The following TNFAIP8 variants were observed in gnomAD, a reference collection of about 807,000 sequenced individuals.
TNFAIP8 encodes the protein TNF alpha induced protein 8, also known as tumor necrosis factor alpha-induced protein 8.
TNFAIP8 carries 7 observed loss-of-function variants against 13.3 expected under a neutral mutation model. The ratio of observed to expected loss-of-function variants is 0.52; its 90% CI spans 0.30 to 0.99. The LOEUF (loss-of-function observed/expected upper bound fraction) is 0.99. Among genes scored for constraint, TNFAIP8 ranks in the 50% least tolerant of loss-of-function variants. The pLI is 0.07. For missense variants in TNFAIP8, 258 were observed against 236.9 expected, an observed-to-expected ratio of 1.09 and a Z score of -0.58; for synonymous variants, 94 against 87.6, an observed-to-expected ratio of 1.07 and a Z score of -0.41.
At chr5:119,275,722 A>C (rs1254359477) in intron 1 of TNFAIP8, among the ~76,000 whole-genome samples, 1 of 152,104 alleles carries the variant, frequency 6.6e-6, no homozygotes, top group Non-Finnish European at 1.5e-5. Context: ...AATTTTAGTC[A>C]GTTTTTAATT....
At position 119,395,657 on chromosome 5, in the gene TNFAIP8, A is replaced by G. The variant is rs1367696404; in HGVS notation, c.*2276A>G. On this transcript the variant is annotated 3_prime_UTR_variant, in exon 2 of 2. Transcript: ENST00000504771. ...TCTCAGCATTTTCTGGAGGGGACCC[A>G]TCTCCTTACCAGTGCTGTGCCTGAA... The G allele has an allele frequency of 6.6e-6, 1 of 152,234 alleles. No homozygotes were observed. The highest frequency in any genetic ancestry group is 2.4e-5 in the African/African-American group (1 of 41,454). 9.4% of individuals were successfully genotyped at this position (152,234 alleles called of 1,614,324 possible). A position where few individuals can be genotyped will look rare whatever the true frequency, so the allele number is the denominator to read the frequency against.
chr5:119,287,989 CTT>C (rs1319825968), intron 1 of TNFAIP8, among the ~76,000 whole-genome samples: 2 of 152,092 alleles, frequency 1.3e-5, no homozygotes, highest in Admixed American at 1.3e-4. Flanking sequence ...CCCATAAGCT[CTT>C]GTCTGATGAG....
chr5:119,336,531 T>G (rs1750556905), intron 1 of TNFAIP8, among the ~76,000 whole-genome samples: 1 of 148,864 alleles, frequency 6.7e-6, no homozygotes, highest in Non-Finnish European at 1.5e-5. Flanking sequence ...TTCTTATACT[T>G]CTTATTTCAG....
chr5:119,326,582 G>C (rs1236993382), intron 1 of TNFAIP8, among the ~76,000 whole-genome samples: 1 of 152,232 alleles, frequency 6.6e-6, no homozygotes, highest in Non-Finnish European at 1.5e-5. Flanking sequence ...AACATGGTGA[G>C]AGAGGATATG....
chr5:119,304,562 C>T (rs1323360091), intron 1 of TNFAIP8, among the ~76,000 whole-genome samples: 1 of 152,212 alleles, frequency 6.6e-6, no homozygotes, highest in Non-Finnish European at 1.5e-5. Context: ...TTAAAACTTG[C>T]ACCTTAGAAT....
At chr5:119,370,106 T>G (rs1427436521) in intron 1 of TNFAIP8, among the ~76,000 whole-genome samples, 1 of 152,360 alleles carries the variant, frequency 6.6e-6, no homozygotes, top group Non-Finnish European at 1.5e-5. Context: ...TTTTTTATTG[T>G]TTTTTAAATG....
rs371027123 is a variant in TNFAIP8 at position 119,276,689 on chromosome 5, C to T, written c.1+7782C>T. Among the ~76,000 whole-genome samples the T allele has an allele frequency of 1.4e-4, 21 of 152,262 alleles. No individual in the cohort carries two copies. In the South Asian group the frequency reaches 3.7e-3, roughly 27 times the overall value. On this transcript the variant is annotated intron_variant, in intron 1 of 1. Transcript: ENST00000274456. ...TCTGTGCACAACCCTGGTGTCTCTC[C>T]CTCTTCATAGAGTGCCAGTCATATT...
chr5:119,352,737 G>A (rs990211488), upstream of TNFAIP8, among the ~76,000 whole-genome samples: 2 of 151,996 alleles, frequency 1.3e-5, no homozygotes, highest in African/African-American at 4.8e-5. Context: ...TTTATTTAAG[G>A]CATAATTTGG....
intron 1 of TNFAIP8, among the ~76,000 whole-genome samples, chr5:119,392,564 C>G (rs931656119): frequency 6.6e-6 from 1 of 151,960 alleles, no homozygotes; most frequent in Non-Finnish European, 1.5e-5. Flanking sequence ...GTAGGCCGGG[C>G]TGGTCTCAAA....
At chr5:119,341,955 CA>C (rs202022253) in intron 1 of TNFAIP8, among the ~76,000 whole-genome samples, 4,736 of 152,240 alleles carry the variant, frequency 0.031, 236 homozygotes, top group African/African-American at 0.11. Flanking sequence ...GGGAATGGGA[CA>C]AGTTTGTGTT....
rs1171982316 is a variant in TNFAIP8, at chr5:119,358,915, G to A, written c.31+2794G>A. Among the ~76,000 whole-genome samples, 6 of 152,254 alleles carry A rather than the reference G, an allele frequency of 3.9e-5. No individual in the cohort carries two copies. The East Asian group carries it at 1.2e-3, about 29-fold the overall frequency. On this transcript the variant is annotated intron_variant, in intron 1 of 1. Transcript: ENST00000504771. ...GGACTTGGAAAAGAGTGAGGATTGA[G>A]TGGTGAGTGAGTCTGGCTCGCTCCT...
rs868838119 is a variant in TNFAIP8, at chr5:119,331,124, G to A, written c.2-61692G>A. On this transcript the variant is annotated intron_variant, in intron 1 of 1. Coordinates refer to the TNFAIP8 transcript ENST00000274456. ...GAAGCATGGGTGATGCATCCACATTGGGCAATCATCACAATGTTGATCCCT... is the reference window on the plus strand; with the variant it reads ...GAAGCATGGGTGATGCATCCACATTAGGCAATCATCACAATGTTGATCCCT... Among the ~76,000 whole-genome samples the A allele has an allele frequency of 1.1e-4, 16 of 152,220 alleles. 1 individual carries two copies. Among genetic ancestry groups the A allele is most frequent in the Middle Eastern group, 3.4e-3 (1 of 294 alleles).
chr5:119,395,911 T>C lies in TNFAIP8; in HGVS notation c.*2530T>C, dbSNP rs1753062270. ...TGAAAAAAATTGTGTTGTAATTGATTTTATTTTGTGCTGGTGGCTTCTCTG... is the reference window on the plus strand; with the variant it reads ...TGAAAAAAATTGTGTTGTAATTGATCTTATTTTGTGCTGGTGGCTTCTCTG... On this transcript the variant is annotated 3_prime_UTR_variant, in exon 2 of 2. Coordinates refer to ENST00000504771, the MANE Select transcript of TNFAIP8 (RefSeq NM_014350.4). 6.6e-6 allele frequency: 1 copy of C among 152,212 alleles called. No individual in the cohort carries two copies. 9.4% of individuals were successfully genotyped at this position (152,212 alleles called of 1,614,324 possible). A position where few individuals can be genotyped will look rare whatever the true frequency, so the allele number is the denominator to read the frequency against.
intron 1 of TNFAIP8, among the ~76,000 whole-genome samples, chr5:119,335,088 T>G (rs1581614009): frequency 6.6e-6 from 1 of 151,770 alleles, no homozygotes; most frequent in South Asian, 2.1e-4. Flanking sequence ...AGTGGCAGAG[T>G]GGCGCGTAGG....
In TNFAIP8 at chr5:119,268,808, C is replaced by G. The variant is rs185436301; in HGVS notation, c.-99C>G. 366 of 697,884 alleles carry G rather than the reference C, an allele frequency of 5.2e-4. 1 individual carries two copies. In the African/African-American group the frequency reaches 5.3e-3, roughly 10 times the overall value. The allele number at this position is 697,884 out of a possible 1,614,324, so 43.2% of individuals were successfully genotyped here. Reference sequence around the variant, plus strand: ...CTCTAACCCGCGCTTGGCTAAGGTCCGCGGGAACCCGTGAGCCACCGAGAG... The same window carrying G: ...CTCTAACCCGCGCTTGGCTAAGGTCGGCGGGAACCCGTGAGCCACCGAGAG... On this transcript the variant is annotated 5_prime_UTR_variant, in exon 1 of 2. Transcript: ENST00000274456.
chr5:119,287,933 A>G (rs1748853796), intron 1 of TNFAIP8, among the ~76,000 whole-genome samples: 1 of 152,170 alleles, frequency 6.6e-6, no homozygotes, highest in South Asian at 2.1e-4. Context: ...CAGGCATCTT[A>G]TCTCAGTTGG....
At chr5:119,330,524 T>C (rs1354946684) in intron 1 of TNFAIP8, among the ~76,000 whole-genome samples, 1 of 152,178 alleles carries the variant, frequency 6.6e-6, no homozygotes, top group African/African-American at 2.4e-5. Context: ...GGGTAGGGGT[T>C]AGGCCTCATG....
intron 1 of TNFAIP8, among the ~76,000 whole-genome samples, chr5:119,381,799 G>T (rs1384761140): frequency 1.3e-5 from 2 of 152,038 alleles, no homozygotes; most frequent in Non-Finnish European, 2.9e-5. Flanking sequence ...GGGCATGGTG[G>T]TGGGCACCTG....
chr5:119,314,217 T>C (rs1235686230), intron 1 of TNFAIP8, among the ~76,000 whole-genome samples: 4 of 152,188 alleles, frequency 2.6e-5, no homozygotes, highest in African/African-American at 9.7e-5. Flanking sequence ...AAACCATGTC[T>C]GTCGTCTGTT....
Sources: gnomAD v4.1 joint callset for allele counts (sites outside exome capture counted in the v4.1 genomes callset) on GRCh38, gnomAD v4.1.1 for gene constraint, MANE v1.5 for transcripts, NCBI Gene and HGNC (gene_info 2026-07-23, HGNC 2026-07-21) for gene names.